Variants in ARID3B observed in about 807,000 individuals in gnomAD.
ARID3B encodes the protein AT-rich interaction domain 3B.
ARID3B carries 10 observed loss-of-function variants against 51.9 expected under a neutral mutation model. The ratio of observed to expected loss-of-function variants is 0.19; its 90% CI spans 0.12 to 0.33. ARID3B has a LOEUF of 0.33. Among genes scored for constraint, ARID3B ranks in the 10% least tolerant of loss-of-function variants. The probability of loss-of-function intolerance (pLI) is 1.00; values close to 1 mark genes in which losing one functional copy is unlikely to be tolerated. For synonymous variants in ARID3B, 205 were observed against 279.5 expected (o/e 0.73, Z 2.66); for missense variants, 483 against 716.3 (o/e 0.67, Z 3.72).
rs570684375 is a variant in ARID3B at position 74,567,087 on chromosome 15, A to G, written c.553-5775A>G. 3.3e-5 allele frequency among the ~76,000 whole-genome samples: 5 copies of G among 152,318 alleles called. No homozygotes were observed. The South Asian group carries it at 1.0e-3, about 32-fold the overall frequency. On this transcript the variant is annotated intron_variant, in intron 2 of 8. Transcript: ENST00000346246. ...GATTTAATCATGTGCTTTCCTGTCC[A>G]GAAAACATCCACTGCCTCCCCACTG...
intron 2 of ARID3B, among the ~76,000 whole-genome samples, chr15:74,569,931 G>T (rs1450725674): frequency 2.0e-5 from 3 of 152,178 alleles, no homozygotes; most frequent in Non-Finnish European, 1.5e-5. Flanking sequence ...GGAGCTGGAC[G>T]AAAGAAAATA....
chr15:74,583,608 T>C (rs1400583391), intron 4 of ARID3B, among the ~76,000 whole-genome samples: 1 of 151,976 alleles, frequency 6.6e-6, no homozygotes, highest in Non-Finnish European at 1.5e-5. Flanking sequence ...TCCCAGCCAC[T>C]TGGGAGCCGG....
intron 4 of ARID3B, among the ~76,000 whole-genome samples, chr15:74,576,714 A>G (rs1377176650): frequency 6.6e-6 from 1 of 152,102 alleles, no homozygotes; most frequent in Non-Finnish European, 1.5e-5. Flanking sequence ...GGTACATGAG[A>G]GCAAGCCGTG....
At position 74,549,564 on chromosome 15, in the gene ARID3B, T is replaced by TA. The variant is rs372965973; in HGVS notation, c.552+5091dup. On this transcript the variant is annotated intron_variant, in intron 2 of 8. Transcript: ENST00000346246. ...GTTTGGATGACAGAGTGAGATGGTG[T>TA]AAAAAAAAAAAAAAAGGGAAAAAGA... Among the ~76,000 whole-genome samples the TA allele has an allele frequency of 7.8e-3, 952 of 122,388 alleles. 31 individuals carry two copies. In the East Asian group the frequency reaches 0.11, roughly 14 times the overall value. 80.3% of individuals were successfully genotyped at this position (122,388 alleles called of 152,430 possible). A position where few individuals can be genotyped will look rare whatever the true frequency, so the allele number is the denominator to read the frequency against.
Position 74,544,126 on chromosome 15 carries a change from A to C in ARID3B, c.190A>C (p.Thr64Pro). The change falls in exon 2 of 9, where the codon ACT (threonine) becomes CCT (proline). Residue 64 changes from threonine to proline, a missense_variant. Around this residue, in one of 3 missense-constraint regions of ARID3B, gnomAD observed 182 missense variants for 244.5 expected, o/e 0.74. Coordinates refer to ENST00000346246, the MANE Select transcript of ARID3B (RefSeq NM_006465.4). ...CACAGCTGGGAGACCTTCTGGCAGC[A>C]CTCCCTTAGGTCCCTTAGCCAGAGT... ...SATAGRPSGS[T>P]PLGPLARVPP... The C allele has an allele frequency of 6.2e-7, 1 of 1,613,702 alleles. No homozygotes were observed. The highest frequency in any genetic ancestry group is 8.5e-7 in the Non-Finnish European group (1 of 1,179,824).
chr15:74,547,006 A>C (rs1434729418), intron 2 of ARID3B, among the ~76,000 whole-genome samples: 4 of 151,872 alleles, frequency 2.6e-5, no homozygotes, highest in Non-Finnish European at 5.9e-5. Context: ...TCTTGGGGAG[A>C]GCCTATAGAA....
At chr15:74,563,313 T>C (rs1295726506) in intron 2 of ARID3B, among the ~76,000 whole-genome samples, 3 of 152,162 alleles carry the variant, frequency 2.0e-5, no homozygotes, top group African/African-American at 4.8e-5. Context: ...CTCTGAGAAA[T>C]CTGTGAATGC....
chr15:74,590,153 C>A, intron 5 of ARID3B, 150 bp downstream of exon 5: 1 of 903,828 alleles, frequency 1.1e-6, no homozygotes, highest in Non-Finnish European at 1.6e-6. Context: ...ATGAATCCCT[C>A]ACTAAACCAA....
At chr15:74,579,881 G>T (rs571316132) in intron 4 of ARID3B, among the ~76,000 whole-genome samples, 1 of 151,228 alleles carries the variant, frequency 6.6e-6, no homozygotes, top group African/African-American at 2.4e-5. Flanking sequence ...GTGCGCGCGC[G>T]CGCACACGCA....
In ARID3B at chr15:74,544,239, G is replaced by A; in HGVS notation, c.303G>A (p.Glu101=). 2 of 1,614,168 alleles carry A rather than the reference G, an allele frequency of 1.2e-6. No homozygotes were observed. The highest frequency in any genetic ancestry group is 1.7e-6 in the Non-Finnish European group (2 of 1,180,002). The change falls in exon 2 of 9, where the codon GAG becomes GAA. Residue 101 remains glutamate (E), a synonymous_variant. Coordinates refer to ENST00000346246, the MANE Select transcript of ARID3B (RefSeq NM_006465.4). ...AAGAGGACGGAGGTTTGGAAGATGA[G>A]GATGGGGATGATGAAGTTGCAGAGG... The part of the protein sequence containing the change: ...PEEEDGGLED[E]DGDDEVAEVA...
intron 7 of ARID3B, among the ~76,000 whole-genome samples, chr15:74,592,874 G>A (rs531729090): frequency 5.9e-5 from 9 of 152,320 alleles, no homozygotes; most frequent in East Asian, 1.9e-4. Flanking sequence ...TGGTGGGGCC[G>A]GAGCCGGCCT....
At chr15:74,559,862 G>A (rs1041253188) in intron 2 of ARID3B, among the ~76,000 whole-genome samples, 1 of 151,276 alleles carries the variant, frequency 6.6e-6, no homozygotes, top group African/African-American at 2.4e-5. Context: ...TTGTACTTGC[G>A]TTTTGAAGAA....
intron 2 of ARID3B, among the ~76,000 whole-genome samples, chr15:74,570,269 G>A (rs961529659): frequency 3.9e-5 from 6 of 152,034 alleles, no homozygotes; most frequent in African/African-American, 4.8e-5. Flanking sequence ...GGAGCCGAGC[G>A]CTCACACTTG....
intron 2 of ARID3B, among the ~76,000 whole-genome samples, chr15:74,553,596 T>C (rs2061645829): frequency 6.6e-6 from 1 of 152,216 alleles, no homozygotes; most frequent in Non-Finnish European, 1.5e-5. Flanking sequence ...TATTATTTTA[T>C]AGCTTGATTA....
In ARID3B at chr15:74,597,141, C is replaced by T. The variant is rs973323492; in HGVS notation, c.*1367C>T. On this transcript the variant is annotated 3_prime_UTR_variant, in exon 9 of 9. Transcript: ENST00000346246. Reference sequence around the variant, plus strand: ...CAGGCAGGCTGGGGTCCTCGCTGGCCTTGCCAGAGGTTGAGCCGCCCCAGG... The same window carrying T: ...CAGGCAGGCTGGGGTCCTCGCTGGCTTTGCCAGAGGTTGAGCCGCCCCAGG... 4.8e-5 allele frequency: 12 copies of T among 250,878 alleles called. No homozygotes were observed. The Admixed American group carries it at 5.5e-4, about 11-fold the overall frequency. The allele number at this position is 250,878 out of a possible 1,614,324, so 15.5% of individuals were successfully genotyped here. A position where few individuals can be genotyped will look rare whatever the true frequency, so the allele number is the denominator to read the frequency against.
intron 2 of ARID3B, among the ~76,000 whole-genome samples, chr15:74,565,252 A>T (rs1176813560): frequency 2.0e-5 from 3 of 151,428 alleles, no homozygotes; most frequent in Non-Finnish European, 4.4e-5. Context: ...GAGTCTCCAT[A>T]TGTTTCCTAG....
intron 2 of ARID3B, among the ~76,000 whole-genome samples, chr15:74,564,254 C>T (rs2061690109): frequency 6.6e-6 from 1 of 152,204 alleles, no homozygotes. Context: ...TAGGATTCTC[C>T]TGTAATCCTG....
At chr15:74,555,242 G>A (rs1201610355) in intron 2 of ARID3B, among the ~76,000 whole-genome samples, 1 of 152,168 alleles carries the variant, frequency 6.6e-6, no homozygotes, top group African/African-American at 2.4e-5. Context: ...GATGGCTTCT[G>A]ACTGATCTAG....
chr15:74,560,022 T>C (rs2061673402), intron 2 of ARID3B, among the ~76,000 whole-genome samples: 1 of 440 alleles, frequency 2.3e-3, no homozygotes, highest in Non-Finnish European at 7.6e-3. Context: ...GGCGAAACCC[T>C]GTCTCTACTA....
Sources: gnomAD v4.1 joint callset for allele counts (sites outside exome capture counted in the v4.1 genomes callset) on GRCh38, gnomAD v4.1.1 for gene constraint, gnomAD v4.1.1 regional missense constraint, MANE v1.5 for transcripts, NCBI Gene and HGNC (gene_info 2026-07-23, HGNC 2026-07-21) for gene names.